WWOX: variants seen among roughly 807,000 people sequenced by gnomAD.
WWOX encodes the protein WW domain containing oxidoreductase.
In WWOX, 69 loss-of-function variants were observed where a neutral mutation model predicts 46.2. The observed-to-expected ratio is 1.49, with a 90% confidence interval of 1.23 to 1.82. WWOX has a LOEUF of 1.82. WWOX is among the 40% of genes most tolerant of loss of function. WWOX has a pLI of 0.00. For missense variants in WWOX, 919 were observed against 542.6 expected, an observed-to-expected ratio of 1.69 and a Z score of -6.89; for synonymous variants, 359 against 202.6, an observed-to-expected ratio of 1.77 and a Z score of -6.56.
Position 78,115,094 on chromosome 16 carries a change from C to T in WWOX, c.349C>T (p.Leu117Phe), listed in dbSNP as rs1397160477. ...CGGCAGCACCACTGCCATGGAAATT[C>T]TCCAGGGCCGGGATTTCACTGGCAA... is the stretch of plus-strand genomic sequence containing the variant. ...YDGSTTAMEI[L>F]QGRDFTGKVV... The change falls in exon 4 of 9, where the codon CTC becomes TTC. Residue 117 changes from leucine to phenylalanine, a missense_variant. Transcript: ENST00000566780. 2 of 1,614,188 alleles carry T rather than the reference C, an allele frequency of 1.2e-6. No homozygotes were observed. Among genetic ancestry groups the T allele is most frequent in the Non-Finnish European group, 8.5e-7 (1 of 1,180,036 alleles).
intron 4 of WWOX, among the ~76,000 whole-genome samples, chr16:78,160,077 T>C (rs889717094): frequency 6.6e-6 from 1 of 152,194 alleles, no homozygotes; most frequent in Non-Finnish European, 1.5e-5. Context: ...TTCTCCTTTC[T>C]CCTTTTATTT....
At chr16:79,182,181 C>A (rs2050925673) in intron 8 of WWOX, among the ~76,000 whole-genome samples, 1 of 151,372 alleles carries the variant, frequency 6.6e-6, no homozygotes, top group Non-Finnish European at 1.5e-5. Flanking sequence ...GGTTCGTTTT[C>A]ATCTTCAGGT....
intron 8 of WWOX, among the ~76,000 whole-genome samples, chr16:78,752,413 G>A (rs1265883058): frequency 6.6e-6 from 1 of 152,246 alleles, no homozygotes; most frequent in East Asian, 1.9e-4. Flanking sequence ...TCAGCCTTCT[G>A]AGTAGCTGGG....
chr16:78,273,074 C>T (rs989309664), intron 5 of WWOX, among the ~76,000 whole-genome samples: 21 of 152,318 alleles, frequency 1.4e-4, no homozygotes, highest in African/African-American at 5.1e-4. Flanking sequence ...TTCCACTCTT[C>T]TAATTCTGGG....
At chr16:78,472,668 G>A (rs1423319700) in intron 8 of WWOX, among the ~76,000 whole-genome samples, 1 of 151,834 alleles carries the variant, frequency 6.6e-6, no homozygotes. Context: ...AATTAGCCAG[G>A]AATGGTGGTA....
At chr16:78,756,053 G>A (rs1359990140) in intron 8 of WWOX, among the ~76,000 whole-genome samples, 2 of 152,126 alleles carry the variant, frequency 1.3e-5, no homozygotes, top group African/African-American at 2.4e-5. Context: ...GCATGAGAAG[G>A]CTCAGAATTC....
At chr16:78,693,089 T>G (rs910491492) in intron 8 of WWOX, among the ~76,000 whole-genome samples, 10 of 152,240 alleles carry the variant, frequency 6.6e-5, no homozygotes, top group African/African-American at 2.4e-4. Flanking sequence ...TTAGATCTCT[T>G]TCCTTGGAAG....
intron 8 of WWOX, among the ~76,000 whole-genome samples, chr16:78,938,888 G>A (rs7200501): frequency 0.67 from 101,250 of 152,100 alleles, 34,156 homozygotes; most frequent in African/African-American, 0.77. Context: ...GGCCAGCCAC[G>A]TGGGTACTGG....
intron 5 of WWOX, among the ~76,000 whole-genome samples, chr16:78,380,600 G>T (rs978994232): frequency 6.6e-6 from 1 of 152,110 alleles, no homozygotes; most frequent in Non-Finnish European, 1.5e-5. Context: ...CTTATGCATT[G>T]TGATGATCAC....
At chr16:78,437,359 T>G (rs1007823870) in intron 8 of WWOX, among the ~76,000 whole-genome samples, 1 of 152,240 alleles carries the variant, frequency 6.6e-6, no homozygotes, top group Admixed American at 6.5e-5. Flanking sequence ...CAATTGGATG[T>G]TCTTGTGCAA....
chr16:78,257,678 A>G (rs375780903), intron 5 of WWOX, among the ~76,000 whole-genome samples: 1 of 137,172 alleles, frequency 7.3e-6, no homozygotes, highest in Admixed American at 7.2e-5. Context: ...CTGCATTGGG[A>G]GGCTTAAAAA....
At chr16:79,093,867 G>T (rs144704261) in intron 8 of WWOX, among the ~76,000 whole-genome samples, 2 of 152,192 alleles carry the variant, frequency 1.3e-5, no homozygotes, top group Non-Finnish European at 2.9e-5. Context: ...ACTCAGCCCA[G>T]AGTGGGCCTC....
intron 8 of WWOX, among the ~76,000 whole-genome samples, chr16:78,914,859 A>G (rs2045207787): frequency 7.2e-6 from 1 of 139,146 alleles, no homozygotes; most frequent in Non-Finnish European, 1.5e-5. Flanking sequence ...CGCCCGGGTG[A>G]CAGAGCGAGA....
At chr16:78,728,375 G>A (rs2048887070) in intron 8 of WWOX, among the ~76,000 whole-genome samples, 1 of 151,992 alleles carries the variant, frequency 6.6e-6, no homozygotes, top group African/African-American at 2.4e-5. Context: ...ACCTGGCCAT[G>A]GATAACATTT....
chr16:78,896,431 C>A (rs1251674864), intron 8 of WWOX: 1 of 152,168 alleles, frequency 6.6e-6, no homozygotes, highest in East Asian at 1.9e-4. Flanking sequence ...CATCCGTTAG[C>A]ACACTGAAGC....
chr16:78,538,381 TC>T (rs1415376953), intron 8 of WWOX, among the ~76,000 whole-genome samples: 1 of 152,164 alleles, frequency 6.6e-6, no homozygotes, highest in African/African-American at 2.4e-5. Context: ...TATTTTAATT[TC>T]CCCATGAGTC....
intron 8 of WWOX, among the ~76,000 whole-genome samples, chr16:78,751,775 A>G (rs2142452250): frequency 6.6e-6 from 1 of 151,132 alleles, no homozygotes; most frequent in South Asian, 2.1e-4. Flanking sequence ...GGGAAGAAGG[A>G]GGGAGGGAGG....
intron 5 of WWOX, among the ~76,000 whole-genome samples, chr16:78,367,518 T>C (rs1301776232): frequency 1.3e-5 from 2 of 152,146 alleles, no homozygotes; most frequent in Admixed American, 6.5e-5. Context: ...GCCAAAAGAT[T>C]GGACACCCTG....
At chr16:78,106,642 C>T (rs1363517627) in intron 1 of WWOX, among the ~76,000 whole-genome samples, 1 of 152,088 alleles carries the variant, frequency 6.6e-6, no homozygotes, top group Non-Finnish European at 1.5e-5. Flanking sequence ...TCGCGAACTC[C>T]TGACCTCAGG....
Sources: allele counts gnomAD v4.1 joint callset (sites outside exome capture counted in the v4.1 genomes callset), GRCh38; gene constraint gnomAD v4.1.1; transcripts MANE v1.5; gene names NCBI Gene and HGNC (gene_info 2026-07-23, HGNC 2026-07-21).